ATP10B: variants seen among roughly 807,000 people sequenced by gnomAD.
ATP10B encodes ATPase phospholipid transporting 10B (putative), also known as phospholipid-transporting ATPase VB.
In ATP10B, 122 loss-of-function variants were observed where a neutral mutation model predicts 141.2. The ratio of observed to expected loss-of-function variants is 0.86; its 90% CI spans 0.75 to 1.00. The LOEUF is 1.00. Among genes scored for constraint, ATP10B ranks in the 50% least tolerant of loss-of-function variants. The probability of loss-of-function intolerance (pLI) is 0.00; values close to 1 mark genes in which losing one functional copy is unlikely to be tolerated. For missense variants in ATP10B, 1,876 were observed against 1,825.3 expected, an observed-to-expected ratio of 1.03 and a Z score of -0.51; for synonymous variants, 685 against 692.0, an observed-to-expected ratio of 0.99 and a Z score of 0.16.
At chr5:160,652,470 TTTA>T (rs869088717) in intron 7 of ATP10B, among the ~76,000 whole-genome samples, 1 of 103,936 alleles carries the variant, frequency 9.6e-6, no homozygotes, top group South Asian at 3.3e-4. Context: ...TATTTATTTA[TTTA>T]TTCGAGACAG....
At chr5:160,854,752 C>T (rs1378989052), upstream of ATP10B, among the ~76,000 whole-genome samples, 1 of 152,120 alleles carries the variant, frequency 6.6e-6, no homozygotes, top group African/African-American at 2.4e-5. Flanking sequence ...CTGTCTTCTA[C>T]AATGGTTGAA....
At chr5:160,868,834 G>A in the ATP10B span, among the ~76,000 whole-genome samples, 1 of 152,080 alleles carries the variant, frequency 6.6e-6, no homozygotes, top group African/African-American at 2.4e-5. Context: ...AAGATTTGGG[G>A]TCCTCAGTAG....
intron 2 of ATP10B, among the ~76,000 whole-genome samples, chr5:160,739,687 T>A (rs919523537): frequency 6.6e-6 from 1 of 152,214 alleles, no homozygotes; most frequent in African/African-American, 2.4e-5. Flanking sequence ...GAGATATGAA[T>A]GGCTATGATT....
At chr5:160,818,846 G>A (rs1265070230) in intron 1 of ATP10B, among the ~76,000 whole-genome samples, 1 of 152,182 alleles carries the variant, frequency 6.6e-6, no homozygotes, top group Non-Finnish European at 1.5e-5. Flanking sequence ...CATGTCCTTG[G>A]TAGGGACATG....
chr5:160,723,017 A>G (rs1284401435), intron 2 of ATP10B, among the ~76,000 whole-genome samples: 2 of 152,218 alleles, frequency 1.3e-5, no homozygotes, highest in African/African-American at 2.4e-5. Context: ...TCGCCAAGGC[A>G]TAGCATACAC....
chr5:160,891,677 A>G, the ATP10B span, among the ~76,000 whole-genome samples: 1 of 152,164 alleles, frequency 6.6e-6, no homozygotes, highest in Non-Finnish European at 1.5e-5. Flanking sequence ...GCCTCAAGTG[A>G]TCCACCTGCC....
At chr5:160,702,056 A>T (rs1237117982) in intron 3 of ATP10B, among the ~76,000 whole-genome samples, 2 of 152,162 alleles carry the variant, frequency 1.3e-5, no homozygotes, top group Non-Finnish European at 2.9e-5. Flanking sequence ...TCCTGGGAGC[A>T]CTTACCCCTC....
intron 1 of ATP10B, among the ~76,000 whole-genome samples, chr5:160,832,108 G>A (rs1424298614): frequency 7.6e-6 from 1 of 132,424 alleles, no homozygotes; most frequent in Admixed American, 7.4e-5. Context: ...AAGCAGTATA[G>A]CAATAATAAT....
At chr5:160,723,728 C>G (rs962438492) in intron 2 of ATP10B, among the ~76,000 whole-genome samples, 2 of 152,142 alleles carry the variant, frequency 1.3e-5, no homozygotes, top group Non-Finnish European at 2.9e-5. Flanking sequence ...CAGTCTATTT[C>G]TTGTTGCCTC....
intron 5 of ATP10B, 129 bp from the exon 6 acceptor site, chr5:160,686,402 G>T: frequency 1.6e-6 from 1 of 643,426 alleles, no homozygotes; most frequent in Non-Finnish European, 2.5e-6. Context: ...AAACATTATG[G>T]TAATGGATTT....
chr5:160,647,267 C>G (rs1226381929), intron 8 of ATP10B, among the ~76,000 whole-genome samples: 1 of 152,222 alleles, frequency 6.6e-6, no homozygotes, highest in African/African-American at 2.4e-5. Context: ...ACCAGTGGGT[C>G]TGCTCAGGAA....
intron 7 of ATP10B, among the ~76,000 whole-genome samples, chr5:160,659,192 G>A (rs997315744): frequency 6.6e-6 from 1 of 152,124 alleles, no homozygotes; most frequent in African/African-American, 2.4e-5. Context: ...CAGGCCGGGC[G>A]CAGTGGCTCA....
chr5:160,766,337 AACACACACACAC>A (rs58890049), intron 2 of ATP10B, among the ~76,000 whole-genome samples: 1,578 of 140,394 alleles, frequency 0.011, 13 homozygotes, highest in Admixed American at 0.024. Context: ...GGATAAAGAG[AACACACACACAC>A]ACACACACAC....
intron 24 of ATP10B, among the ~76,000 whole-genome samples, chr5:160,580,949 G>A (rs1755510231): frequency 6.6e-6 from 1 of 152,150 alleles, no homozygotes; most frequent in African/African-American, 2.4e-5. Context: ...TTTGTGTAGA[G>A]GTGTTTATAG....
At chr5:160,597,031 T>A (rs886826630) in intron 22 of ATP10B, among the ~76,000 whole-genome samples, 4 of 152,074 alleles carry the variant, frequency 2.6e-5, no homozygotes, top group Admixed American at 2.6e-4. Context: ...TTCACAGAAT[T>A]GGAAAAAAAC....
intron 2 of ATP10B, among the ~76,000 whole-genome samples, chr5:160,753,423 A>G (rs1768299456): frequency 6.6e-6 from 1 of 152,220 alleles, no homozygotes; most frequent in African/African-American, 2.4e-5. Context: ...AAGTACTCAG[A>G]ATCAATTAGC....
intron 1 of ATP10B, among the ~76,000 whole-genome samples, chr5:160,841,456 C>A (rs900539453): frequency 1.3e-5 from 2 of 151,998 alleles, no homozygotes; most frequent in African/African-American, 4.8e-5. Context: ...GGGAATGAAG[C>A]AGAAGAAATA....
At chr5:160,788,533 T>G (rs1287073877) in intron 1 of ATP10B, among the ~76,000 whole-genome samples, 2 of 152,150 alleles carry the variant, frequency 1.3e-5, no homozygotes, top group Non-Finnish European at 2.9e-5. Flanking sequence ...AAGAAACTGT[T>G]AATCTGGTTC....
chr5:160,665,954 G>T (rs1219587581), intron 7 of ATP10B, among the ~76,000 whole-genome samples: 1 of 152,132 alleles, frequency 6.6e-6, no homozygotes, highest in East Asian at 1.9e-4. Context: ...CATATTTGTA[G>T]GTGTTCAAAA....
Sources: allele counts gnomAD v4.1 joint callset (sites outside exome capture counted in the v4.1 genomes callset), GRCh38; gene constraint gnomAD v4.1.1; transcripts MANE v1.5; gene names NCBI Gene and HGNC (gene_info 2026-07-23, HGNC 2026-07-21).